Variants in ABR observed in about 807,000 individuals in gnomAD.
ABR encodes the protein active breakpoint cluster region-related protein.
A neutral mutation model predicts 107.2 loss-of-function variants in ABR; 35 were observed. That is an observed-to-expected ratio of 0.33 (90% CI 0.25 to 0.43). ABR has a LOEUF of 0.43. ABR is among the 20% of genes least tolerant of loss of function. ABR has a pLI of 1.00. For synonymous variants in ABR, 498 were observed against 462.0 expected, an observed-to-expected ratio of 1.08 and a Z score of -1.00; for missense variants, 815 against 1,115.2, an observed-to-expected ratio of 0.73 and a Z score of 3.83.
At chr17:1,222,507 T>C (rs1458905473) in intron 1 of ABR, among the ~76,000 whole-genome samples, 1 of 152,156 alleles carries the variant, frequency 6.6e-6, no homozygotes, top group African/African-American at 2.4e-5. Context: ...AGAGCAACAA[T>C]CTCATTAGTC....
intron 2 of ABR, among the ~76,000 whole-genome samples, chr17:1,118,481 C>T (rs1250846655): frequency 3.7e-4 from 8 of 21,418 alleles, no homozygotes; most frequent in East Asian, 2.0e-3. Flanking sequence ...GCCTGAGTTC[C>T]TCCCAGCGTT....
At chr17:1,081,669 C>T (rs1370745422) in intron 5 of ABR, among the ~76,000 whole-genome samples, 8 of 152,170 alleles carry the variant, frequency 5.3e-5, no homozygotes, top group Admixed American at 3.9e-4. Flanking sequence ...CTCCACCTCC[C>T]GGGTTCAAGA....
intron 1 of ABR, among the ~76,000 whole-genome samples, chr17:1,159,635 G>A (rs1475337580): frequency 3.1e-4 from 34 of 108,406 alleles, no homozygotes; most frequent in African/African-American, 6.1e-4. Context: ...CACGCACAAG[G>A]GAAGTATGCG....
intron 16 of ABR, among the ~76,000 whole-genome samples, chr17:1,017,245 A>ACCTC (rs2071233400): frequency 6.6e-6 from 1 of 151,512 alleles, no homozygotes; most frequent in Non-Finnish European, 1.5e-5. Context: ...CTTTCCCGAA[A>ACCTC]CCTCTCTCCC....
chr17:1,101,734 CTTT>C (rs796580737), intron 2 of ABR, among the ~76,000 whole-genome samples: 11 of 140,780 alleles, frequency 7.8e-5, no homozygotes, highest in East Asian at 4.1e-4. Flanking sequence ...TTTATTTTTT[CTTT>C]TTTTTTTTTT....
At chr17:1,144,177 G>A (rs10048207) in intron 1 of ABR, among the ~76,000 whole-genome samples, 3,508 of 152,224 alleles carry the variant, frequency 0.023, 131 homozygotes, top group African/African-American at 0.08. Flanking sequence ...CTGTAGGAAA[G>A]ACAGTTATGT....
At chr17:1,014,397 C>T (rs527703267) in intron 16 of ABR, among the ~76,000 whole-genome samples, 9 of 145,542 alleles carry the variant, frequency 6.2e-5, no homozygotes, top group African/African-American at 1.3e-4. Context: ...GCCGAGATCG[C>T]GCCACTGCAC....
chr17:1,048,318 C>T (rs987479750), intron 16 of ABR, among the ~76,000 whole-genome samples: 1 of 152,242 alleles, frequency 6.6e-6, no homozygotes, highest in African/African-American at 2.4e-5. Flanking sequence ...GGCCCCTCCA[C>T]GTGGGGCCCC....
At chr17:1,064,744 C>A (rs1597633807) in intron 10 of ABR, among the ~76,000 whole-genome samples, 1 of 135,162 alleles carries the variant, frequency 7.4e-6, no homozygotes, top group Non-Finnish European at 1.6e-5. Context: ...GCATGTTCCT[C>A]TAGACACTGT....
intron 3 of ABR, among the ~76,000 whole-genome samples, chr17:1,098,612 C>G (rs1284473292): frequency 6.6e-6 from 1 of 152,214 alleles, no homozygotes; most frequent in Non-Finnish European, 1.5e-5. Flanking sequence ...GGCTGAGAGG[C>G]ACAGTTTGAG....
intron 2 of ABR, among the ~76,000 whole-genome samples, chr17:1,121,090 C>T (rs140694101): frequency 5.6e-4 from 86 of 152,348 alleles, no homozygotes; most frequent in Non-Finnish European, 1.1e-3. Flanking sequence ...CTGGCCCTGC[C>T]GTGCTGCCCT....
chr17:1,043,048 G>T (rs538688986), intron 16 of ABR, among the ~76,000 whole-genome samples: 1 of 152,226 alleles, frequency 6.6e-6, no homozygotes, highest in Non-Finnish European at 1.5e-5. Flanking sequence ...GTGCAGGAGT[G>T]GGGAGTTATG....
At chr17:1,076,540 C>T (rs535955356) in intron 6 of ABR, among the ~76,000 whole-genome samples, 4 of 152,130 alleles carry the variant, frequency 2.6e-5, no homozygotes, top group Non-Finnish European at 1.5e-5. Flanking sequence ...ATCGGCTCCC[C>T]GCAGCCCTCT....
rs539191607 is a variant in ABR, at chr17:1,011,773, G to C, written c.2101+73C>G. Reference sequence around the variant, plus strand: ...CTCCAGGGAGGCTCCTGGTTCCCCCGAGCTCTCCTGTCCATCCCACCAGCC... The same window carrying C: ...CTCCAGGGAGGCTCCTGGTTCCCCCCAGCTCTCCTGTCCATCCCACCAGCC... On this transcript the variant is annotated intron_variant, in intron 19 of 22. Transcript: ENST00000302538. The surrounding 1 kb of genome is among the most constrained non-coding windows in gnomAD (Gnocchi z 4.8). 16 of 1,486,458 alleles carry C rather than the reference G, an allele frequency of 1.1e-5. No individual in the cohort carries two copies. The highest frequency in any genetic ancestry group is 1.4e-5 in the Non-Finnish European group (16 of 1,115,794). The allele number at this position is 1,486,458 out of a possible 1,614,324, so 92.1% of individuals were successfully genotyped here. A position where few individuals can be genotyped will look rare whatever the true frequency, so the allele number is the denominator to read the frequency against.
intron 3 of ABR, among the ~76,000 whole-genome samples, chr17:1,095,392 G>A (rs1043862221): frequency 3.3e-5 from 5 of 152,280 alleles, no homozygotes; most frequent in East Asian, 3.9e-4. Context: ...TTTCACTCGC[G>A]GGGAGGGGAC....
Position 1,005,365 on chromosome 17 carries a change from G to A in ABR, c.*715C>T, listed in dbSNP as rs1281457686. On this transcript the variant is annotated 3_prime_UTR_variant, in exon 23 of 23. Transcript: ENST00000302538. ...TTCCAGAAATGGGCGCTCCAGCTCT[G>A]TGCTAAGCTGGGGACGAGTGTGAGT... 2.6e-6 allele frequency: 1 copy of A among 389,952 alleles called. No homozygotes were observed. Among genetic ancestry groups the A allele is most frequent in the South Asian group, 1.4e-4 (1 of 6,956 alleles). 24.2% of individuals were successfully genotyped at this position (389,952 alleles called of 1,614,324 possible). A position where few individuals can be genotyped will look rare whatever the true frequency, so the allele number is the denominator to read the frequency against.
chr17:1,053,992 G>A (rs868849568), intron 14 of ABR, among the ~76,000 whole-genome samples: 3 of 152,316 alleles, frequency 2.0e-5, no homozygotes, highest in East Asian at 3.9e-4. Flanking sequence ...ACCGTGTGGT[G>A]TTCCCGGCCA....
intron 16 of ABR, among the ~76,000 whole-genome samples, chr17:1,047,985 G>A (rs948621101): frequency 1.3e-5 from 2 of 152,222 alleles, no homozygotes; most frequent in Non-Finnish European, 2.9e-5. Context: ...AGCCACCAGT[G>A]GCCCAGGGAG....
At chr17:1,187,627 C>T (rs1419588380), upstream of ABR, among the ~76,000 whole-genome samples, 1 of 152,230 alleles carries the variant, frequency 6.6e-6, no homozygotes, top group Non-Finnish European at 1.5e-5. Context: ...TGGCAGCTCA[C>T]ACCTGTAATC....
Sources: gnomAD v4.1 joint callset for allele counts (sites outside exome capture counted in the v4.1 genomes callset) on GRCh38, gnomAD v4.1.1 for gene constraint, Gnocchi (gnomAD v3.1) non-coding constraint, MANE v1.5 for transcripts, NCBI Gene and HGNC (gene_info 2026-07-23, HGNC 2026-07-21) for gene names.